Variants in ASXL3 observed in about 807,000 individuals in gnomAD.
The protein encoded by ASXL3 is ASXL transcriptional regulator 3.
A neutral mutation model predicts 170.6 loss-of-function variants in ASXL3; 34 were observed. The ratio of observed to expected loss-of-function variants is 0.20; its 90% CI spans 0.15 to 0.27. ASXL3 has a LOEUF of 0.27. Ranked by LOEUF, ASXL3 falls within the 10% of genes least tolerant of loss-of-function variation. The probability of loss-of-function intolerance (pLI) is 1.00; values close to 1 mark genes in which losing one functional copy is unlikely to be tolerated. For missense variants in ASXL3, 2,592 were observed against 2,695.3 expected, an observed-to-expected ratio of 0.96 and a Z score of 0.85; for synonymous variants, 1,002 against 989.1, an observed-to-expected ratio of 1.01 and a Z score of -0.24.
chr18:33,713,770 A>G (rs775330393), intron 8 of ASXL3, among the ~76,000 whole-genome samples: 12 of 152,204 alleles, frequency 7.9e-5, no homozygotes, highest in Non-Finnish European at 1.3e-4. Context: ...CATATGGTAG[A>G]ATATTGATGG....
chr18:33,668,640 G>C, intron 5 of ASXL3, among the ~76,000 whole-genome samples: 1 of 151,918 alleles, frequency 6.6e-6, no homozygotes, highest in East Asian at 1.9e-4. Flanking sequence ...ACTATACCTT[G>C]TCTTTTTAAA....
intron 1 of ASXL3, among the ~76,000 whole-genome samples, chr18:33,604,369 A>C (rs1411272595): frequency 1.3e-5 from 2 of 152,108 alleles, no homozygotes; most frequent in Non-Finnish European, 2.9e-5. Flanking sequence ...GTTACAAAAT[A>C]AATCTTAAGT....
chr18:33,681,319 T>C (rs1402939330), intron 7 of ASXL3, among the ~76,000 whole-genome samples: 2 of 152,186 alleles, frequency 1.3e-5, no homozygotes, highest in Admixed American at 1.3e-4. Flanking sequence ...GCATTTCTTC[T>C]TTGATATAAT....
Position 33,628,539 on chromosome 18 carries a change from A to G in ASXL3, c.138-16355A>G, listed in dbSNP as rs547862274. Among the ~76,000 whole-genome samples the G allele has an allele frequency of 3.9e-5, 6 of 152,224 alleles. No individual in the cohort carries two copies. In the South Asian group the frequency reaches 6.2e-4, roughly 16 times the overall value. On this transcript the variant is annotated intron_variant, in intron 2 of 11. Coordinates refer to ENST00000269197, the MANE Select transcript of ASXL3 (RefSeq NM_030632.3). Reference sequence around the variant, plus strand: ...ACAGGTTTAGAATTTTGGATTTTCTATCTTTGTTCTGACATTTCTTCACAC... The same window carrying G: ...ACAGGTTTAGAATTTTGGATTTTCTGTCTTTGTTCTGACATTTCTTCACAC...
intron 4 of ASXL3, among the ~76,000 whole-genome samples, chr18:33,660,505 G>A (rs1464353756): frequency 2.0e-5 from 3 of 151,966 alleles, no homozygotes; most frequent in African/African-American, 4.8e-5. Flanking sequence ...TAAAACTCAG[G>A]TCAGAACCCT....
At chr18:33,734,958 C>T (rs1340272453) in intron 10 of ASXL3, among the ~76,000 whole-genome samples, 2 of 152,092 alleles carry the variant, frequency 1.3e-5, no homozygotes, top group Non-Finnish European at 2.9e-5. Context: ...TACATCATAG[C>T]GTGGTAGCAA....
chr18:33,688,072 C>T (rs1599495774), intron 8 of ASXL3, among the ~76,000 whole-genome samples: 1 of 152,182 alleles, frequency 6.6e-6, no homozygotes, highest in Non-Finnish European at 1.5e-5. Context: ...GGGGAGAATA[C>T]TGGTATTTCA....
At chr18:33,614,556 T>TA (rs1453655831) in intron 2 of ASXL3, 5 of 152,322 alleles carry the variant, frequency 3.3e-5, no homozygotes, top group Admixed American at 6.5e-5. Flanking sequence ...CAACGGCATC[T>TA]AGCAGGGTGA....
chr18:33,665,200 A>G (rs150627730), intron 5 of ASXL3, among the ~76,000 whole-genome samples: 2,518 of 152,294 alleles, frequency 0.017, 29 homozygotes, highest in Non-Finnish European at 0.028. Flanking sequence ...GGTAGTGAAC[A>G]TAACCTTTCT....
In ASXL3 at chr18:33,726,081, C is replaced by G. The variant is rs115925868; in HGVS notation, c.880-5887C>G. Among the ~76,000 whole-genome samples the G allele has an allele frequency of 2.2e-3, 333 of 152,286 alleles. 3 individuals are homozygous for G. Among genetic ancestry groups the G allele is most frequent in the African/African-American group, 7.7e-3 (320 of 41,570 alleles). On this transcript the variant is annotated intron_variant, in intron 8 of 11. Coordinates refer to ENST00000269197, the MANE Select transcript of ASXL3 (RefSeq NM_030632.3). ...ATCTACTGGGAATTATAATCAGCAT[C>G]TCAACCTGATGTAGTGCTAAAACAA...
Position 33,746,489 on chromosome 18 carries a change from C to G in ASXL3, c.6641C>G (p.Ser2214Cys). 6.2e-7 allele frequency: 1 copy of G among 1,614,044 alleles called. No individual in the cohort carries two copies. The highest frequency in any genetic ancestry group is 8.5e-7 in the Non-Finnish European group (1 of 1,179,890). ...GCAGATGAATTGGAACTGAAATGCT[C>G]TTGCCGGCTGAAAGCCATGATTGTG... ...SNADELELKC[S>C]CRLKAMIVCK... Residue 2214 changes from serine (S) to cysteine (C), a missense_variant, in exon 12 of 12, where the codon TCT becomes TGT. Physicochemically the swap from Ser to Cys is moderately radical, Grantham distance 112. Around this residue, in one of 4 missense-constraint regions of ASXL3, gnomAD observed 22 missense variants for 51.1 expected, o/e 0.43. Coordinates refer to ENST00000269197, the MANE Select transcript of ASXL3 (RefSeq NM_030632.3).
At position 33,739,218 on chromosome 18, in the gene ASXL3, A is replaced by T; in HGVS notation, c.1814A>T (p.Asn605Ile). The T allele has an allele frequency of 1.2e-6, 2 of 1,613,846 alleles. No homozygotes were observed. Among genetic ancestry groups the T allele is most frequent in the Non-Finnish European group, 1.7e-6 (2 of 1,179,838 alleles). Residue 605 changes from asparagine to isoleucine, a missense_variant, in exon 11 of 12, where the codon AAT becomes ATT. By Grantham distance (149) the Asn-to-Ile change is moderately radical (BLOSUM62 -3). Around this residue, in one of 4 missense-constraint regions of ASXL3, gnomAD observed 2,246 missense variants for 2,219.6 expected, o/e 1.01. Coordinates refer to ENST00000269197, the MANE Select transcript of ASXL3 (RefSeq NM_030632.3). Reference sequence around the variant, plus strand: ...GACCCTGAAGAACAGCTTTCAGAAAATGCCTGCATCTCTGAAACGTCCTTT... The same window carrying T: ...GACCCTGAAGAACAGCTTTCAGAAATTGCCTGCATCTCTGAAACGTCCTTT... ...QSDPEEQLSE[N>I]ACISETSFSS...
Position 33,743,132 on chromosome 18 carries a change from A to G in ASXL3, c.3284A>G (p.Lys1095Arg), listed in dbSNP as rs542225225. The part of the protein sequence containing the change: ...GAMGSPGEGG[K>R]TRTLAHIKEQ... The stretch of plus-strand genomic sequence containing the variant: ...ATGGGAAGTCCAGGAGAGGGTGGAA[A>G]GACGAGAACTCTGGCACACATCAAA... The change falls in exon 12 of 12, where the codon AAG (lysine) becomes AGG (arginine). Residue 1095 changes from lysine to arginine, a missense_variant. Lys to Arg is a conservative substitution (Grantham distance 26). Transcript: ENST00000269197. The G allele has an allele frequency of 1.2e-6, 2 of 1,613,928 alleles. No homozygotes were observed. Among genetic ancestry groups the G allele is most frequent in the African/African-American group, 2.7e-5 (2 of 75,048 alleles).
chr18:33,626,981 G>A (rs555714119), intron 2 of ASXL3: 2 of 152,814 alleles, frequency 1.3e-5, no homozygotes, highest in African/African-American at 2.4e-5. Flanking sequence ...AGCTGCTTTC[G>A]TGTTGGTCAT....
intron 2 of ASXL3, among the ~76,000 whole-genome samples, chr18:33,616,363 A>G (rs1394224019): frequency 6.6e-6 from 1 of 151,602 alleles, no homozygotes; most frequent in Non-Finnish European, 1.5e-5. Flanking sequence ...GTAGAAGTCG[A>G]GCCCCACAAG....
chr18:33,666,322 A>G (rs780655962), intron 5 of ASXL3, among the ~76,000 whole-genome samples: 23 of 152,310 alleles, frequency 1.5e-4, no homozygotes, highest in Non-Finnish European at 2.6e-4. Flanking sequence ...TAGACTGATT[A>G]TGTAATATCT....
In ASXL3 at chr18:33,669,180, G is replaced by T. The variant is rs143287968; in HGVS notation, c.478-1493G>T. On this transcript the variant is annotated intron_variant, in intron 5 of 11. Transcript: ENST00000269197. ...ATGCTAGACAGATTGATTCAATTAT[G>T]TGCAAAATTTATGTGCAATTATGTA... Among the ~76,000 whole-genome samples the T allele has an allele frequency of 7.2e-5, 11 of 152,234 alleles. No individual in the cohort carries two copies. The East Asian group carries it at 1.9e-3, about 27-fold the overall frequency.
chr18:33,639,581 T>C (rs2065817321), intron 2 of ASXL3, among the ~76,000 whole-genome samples: 1 of 152,198 alleles, frequency 6.6e-6, no homozygotes, highest in Non-Finnish European at 1.5e-5. Context: ...GGTTTATGCT[T>C]ATGTAGGGCT....
At chr18:33,639,728 C>T (rs1426214404) in intron 2 of ASXL3, among the ~76,000 whole-genome samples, 1 of 152,070 alleles carries the variant, frequency 6.6e-6, no homozygotes, top group Non-Finnish European at 1.5e-5. Flanking sequence ...TCGCTATAGT[C>T]TATCTAATGA....
Sources: allele counts gnomAD v4.1 joint callset (sites outside exome capture counted in the v4.1 genomes callset), GRCh38; gene constraint gnomAD v4.1.1; regional missense constraint gnomAD v4.1.1; transcripts MANE v1.5; gene names NCBI Gene and HGNC (gene_info 2026-07-23, HGNC 2026-07-21).